The following MACROD2 variants were observed in gnomAD, a reference collection of about 807,000 sequenced individuals.
MACROD2 encodes ADP-ribose glycohydrolase MACROD2.
MACROD2 carries 36 observed loss-of-function variants against 70.4 expected under a neutral mutation model. That is an observed-to-expected ratio of 0.51 (90% confidence interval 0.39 to 0.68). The LOEUF (loss-of-function observed/expected upper bound fraction) is 0.68, where lower values mean the gene tolerates loss of function less well. Among genes scored for constraint, MACROD2 ranks in the 30% least tolerant of loss-of-function variants. MACROD2 has a pLI of 0.00. For synonymous variants in MACROD2, 172 were observed against 178.8 expected (o/e 0.96, Z 0.30); for missense variants, 496 against 538.4 (o/e 0.92, Z 0.78).
At chr20:15,424,224 A>G (rs368634483) in intron 6 of MACROD2, among the ~76,000 whole-genome samples, 3 of 152,346 alleles carry the variant, frequency 2.0e-5, no homozygotes, top group East Asian at 3.9e-4. Flanking sequence ...GGTAAAGGGT[A>G]TGTGTAGAAG....
At chr20:14,924,782 A>T (rs1223721054) in intron 5 of MACROD2, among the ~76,000 whole-genome samples, 2 of 152,146 alleles carry the variant, frequency 1.3e-5, no homozygotes, top group African/African-American at 4.8e-5. Context: ...AGAGACACAG[A>T]TGAAAGTGAA....
intron 4 of MACROD2, among the ~76,000 whole-genome samples, chr20:14,640,529 G>A (rs1985032792): frequency 6.6e-6 from 1 of 152,148 alleles, no homozygotes; most frequent in Non-Finnish European, 1.5e-5. Flanking sequence ...CAAGGTCAAA[G>A]AGTGCTGAGA....
rs11087076 is a variant in MACROD2, at chr20:14,149,192, G to GTT, written c.271+63476_271+63477dup. On this transcript the variant is annotated intron_variant, in intron 3 of 17. Coordinates refer to ENST00000684519, the MANE Select transcript of MACROD2 (RefSeq NM_001351661.2). ...ATCTTTATATCTATAAGTACCCAAT[G>GTT]TTTTTTTTTTTTTGAGTACCCAATG... is the stretch of plus-strand genomic sequence containing the variant. Among the ~76,000 whole-genome samples, 231 of 144,436 alleles carry GTT rather than the reference G, an allele frequency of 1.6e-3. 1 individual carries two copies. Among genetic ancestry groups the GTT allele is most frequent in the South Asian group, 4.9e-3 (22 of 4,522 alleles). The allele number at this position is 144,436 out of a possible 152,430, so 94.8% of individuals were successfully genotyped here.
chr20:14,447,698 T>C (rs1335716055), intron 3 of MACROD2, among the ~76,000 whole-genome samples: 1 of 151,990 alleles, frequency 6.6e-6, no homozygotes, highest in African/African-American at 2.4e-5. Context: ...GTTTGGGCTG[T>C]AACTGAACTC....
At chr20:15,579,535 T>C (rs1041287808) in intron 8 of MACROD2, among the ~76,000 whole-genome samples, 3 of 152,238 alleles carry the variant, frequency 2.0e-5, no homozygotes, top group African/African-American at 7.2e-5. Context: ...GGTACAGCTT[T>C]AACTGCCAAA....
chr20:15,199,622 A>G (rs1365516631), intron 5 of MACROD2, among the ~76,000 whole-genome samples: 1 of 152,138 alleles, frequency 6.6e-6, no homozygotes, highest in Non-Finnish European at 1.5e-5. Flanking sequence ...TCAAGTATCT[A>G]TTGGGGAAAT....
intron 4 of MACROD2, among the ~76,000 whole-genome samples, chr20:14,503,018 G>A (rs1056576472): frequency 6.6e-6 from 1 of 152,162 alleles, no homozygotes; most frequent in Non-Finnish European, 1.5e-5. Context: ...GAGAAGGTGA[G>A]CTTAATGTAG....
chr20:15,390,518 G>C (rs1293514598), intron 6 of MACROD2, among the ~76,000 whole-genome samples: 1 of 152,128 alleles, frequency 6.6e-6, no homozygotes, highest in East Asian at 1.9e-4. Context: ...TTGGCACATA[G>C]TAGGTGCTCA....
At chr20:14,343,959 A>G (rs1039783637) in intron 3 of MACROD2, among the ~76,000 whole-genome samples, 10 of 152,284 alleles carry the variant, frequency 6.6e-5, no homozygotes, top group Non-Finnish European at 1.3e-4. Flanking sequence ...TATTGGTGCT[A>G]ATTTTAGACA....
chr20:15,157,362 TCCCC>T (rs1173688272), intron 5 of MACROD2, among the ~76,000 whole-genome samples: 1 of 21,012 alleles, frequency 4.8e-5, no homozygotes, highest in South Asian at 1.4e-3. Context: ...CCCCCCCACC[TCCCC>T]CCCCCCCGGC....
At chr20:15,849,334 CA>C (rs1179862548) in intron 8 of MACROD2, among the ~76,000 whole-genome samples, 8 of 152,174 alleles carry the variant, frequency 5.3e-5, no homozygotes, top group Admixed American at 6.5e-5. Context: ...TTTGTCCTCA[CA>C]AAAATGCTCT....
intron 4 of MACROD2, among the ~76,000 whole-genome samples, chr20:14,677,199 A>T (rs2070872232): frequency 6.6e-6 from 1 of 151,504 alleles, no homozygotes. Flanking sequence ...ATCTTAAGTT[A>T]AAAAAAAATT....
chr20:16,013,314 G>A (rs949516219), intron 15 of MACROD2, among the ~76,000 whole-genome samples: 6 of 152,184 alleles, frequency 3.9e-5, no homozygotes, highest in Non-Finnish European at 8.8e-5. Flanking sequence ...AACAAAAATA[G>A]CAACCCAATT....
chr20:15,229,772 G>A (rs2076943417), intron 5 of MACROD2, among the ~76,000 whole-genome samples, 168 bp from the exon 6 acceptor site: 1 of 152,158 alleles, frequency 6.6e-6, no homozygotes, highest in African/African-American at 2.4e-5. Flanking sequence ...AGGAGGTTGT[G>A]CTACTTAAGA....
At chr20:15,231,952 G>A (rs1210012873) in intron 6 of MACROD2, among the ~76,000 whole-genome samples, 1 of 152,022 alleles carries the variant, frequency 6.6e-6, no homozygotes, top group East Asian at 1.9e-4. Flanking sequence ...AATGTGGGAA[G>A]AAATGTCCAA....
At chr20:14,667,861 G>A (rs939489012) in intron 4 of MACROD2, among the ~76,000 whole-genome samples, 2 of 152,058 alleles carry the variant, frequency 1.3e-5, no homozygotes, top group African/African-American at 4.8e-5. Context: ...TATGTGAATC[G>A]AAAGCTCTCA....
At chr20:14,073,999 A>G (rs1400656856) in intron 2 of MACROD2, among the ~76,000 whole-genome samples, 1 of 152,100 alleles carries the variant, frequency 6.6e-6, no homozygotes, top group African/African-American at 2.4e-5. Context: ...GTTTAGAGAG[A>G]ATCTCCTATC....
At chr20:14,058,869 C>T (rs1215220459) in intron 2 of MACROD2, among the ~76,000 whole-genome samples, 1 of 152,116 alleles carries the variant, frequency 6.6e-6, no homozygotes, top group Non-Finnish European at 1.5e-5. Context: ...GTCTCGATCT[C>T]TTGACCTCAT....
At chr20:14,415,624 CA>C (rs993200836) in intron 3 of MACROD2, among the ~76,000 whole-genome samples, 3 of 152,142 alleles carry the variant, frequency 2.0e-5, no homozygotes, top group East Asian at 3.9e-4. Flanking sequence ...GATTTACATT[CA>C]GGGGGAAACA....
Sources: gnomAD v4.1 joint callset for allele counts (sites outside exome capture counted in the v4.1 genomes callset) on GRCh38, gnomAD v4.1.1 for gene constraint, MANE v1.5 for transcripts, NCBI Gene and HGNC (gene_info 2026-07-23, HGNC 2026-07-21) for gene names.